Variants in INVS observed in about 807,000 individuals in gnomAD.
INVS encodes the protein inversion of embryo turning homolog.
A neutral mutation model predicts 108.8 loss-of-function variants in INVS; 86 were observed. That is an observed-to-expected ratio of 0.79 (90% confidence interval 0.66 to 0.95). The LOEUF (loss-of-function observed/expected upper bound fraction) is 0.95. Ranked by LOEUF, INVS falls within the 40% of genes least tolerant of loss-of-function variation. The probability of loss-of-function intolerance (pLI) is 0.00; values close to 1 mark genes in which losing one functional copy is unlikely to be tolerated. For synonymous variants in INVS, 455 were observed against 473.5 expected (o/e 0.96, Z 0.51); for missense variants, 1,169 against 1,297.4 (o/e 0.90, Z 1.52).
chr9:100,182,601 G>A (rs936837635), intron 3 of INVS, among the ~76,000 whole-genome samples: 11 of 152,158 alleles, frequency 7.2e-5, no homozygotes, highest in Non-Finnish European at 1.3e-4. Flanking sequence ...ATGCCAGTTA[G>A]AATGGCGATC....
intron 5 of INVS, among the ~76,000 whole-genome samples, chr9:100,236,125 T>A (rs1165743283): frequency 6.6e-6 from 1 of 152,214 alleles, no homozygotes; most frequent in African/African-American, 2.4e-5. Context: ...GTCTCTGATA[T>A]CCTTTCCTCC....
chr9:100,252,334 T>C lies in INVS; in HGVS notation c.1130T>C (p.Leu377Pro). ...SGHVSTVKLL[L>P]ENNAQVDATD... ...CATGTCAGCACCGTGAAGTTATTAC[T>C]GGAAAATAATGCTCAAGTAGATGCT... The change falls in exon 9 of 17, where the codon CTG (leucine) becomes CCG (proline). Residue 377 changes from leucine to proline, a missense_variant. Physicochemically the swap from Leu to Pro is moderately conservative, Grantham distance 98. This residue lies in a region of INVS where 271 missense variants were observed against 363.8 expected (regional missense o/e 0.74). Transcript: ENST00000262457. 2 of 1,614,104 alleles carry C rather than the reference T, an allele frequency of 1.2e-6. No homozygotes were observed. Among genetic ancestry groups the C allele is most frequent in the Non-Finnish European group, 1.7e-6 (2 of 1,179,964 alleles).
In INVS at chr9:100,262,106, A is replaced by G. The variant is rs1832644420; in HGVS notation, c.1465-2716A>G. ...AGCCCCATATATATTATGTACTTTT[A>G]TATACTGATGTATTTTACCTGCTAA... On this transcript the variant is annotated intron_variant, in intron 10 of 16. Transcript: ENST00000262457. Among the ~76,000 whole-genome samples the G allele has an allele frequency of 2.6e-5, 4 of 151,058 alleles. No individual in the cohort carries two copies. In the South Asian group the frequency reaches 6.2e-4, roughly 24 times the overall value.
intron 5 of INVS, among the ~76,000 whole-genome samples, chr9:100,236,785 G>A (rs1388341941): frequency 6.6e-6 from 1 of 152,196 alleles, no homozygotes; most frequent in Non-Finnish European, 1.5e-5. Flanking sequence ...CCTGTATGAG[G>A]TGTCTGCCGA....
rs1289228389 is a variant in INVS, at chr9:100,229,758, C to T, written c.546C>T (p.Gly182=). 2 of 1,613,978 alleles carry T rather than the reference C, an allele frequency of 1.2e-6. No individual in the cohort carries two copies. The highest frequency in any genetic ancestry group is 1.7e-6 in the Non-Finnish European group (2 of 1,179,966). The stretch of plus-strand genomic sequence containing the variant: ...ACATTGGGATTCCTGATGTTGAAGG[C>T]AAGATCCCACTTCACTGGGCAGCCA... ...DSNIGIPDVE[G]KIPLHWAANH... is the part of the protein sequence containing the mutation. The change falls in exon 5 of 17, where the codon GGC becomes GGT. Residue 182 remains glycine (G), a synonymous_variant. Coordinates refer to ENST00000262457, the MANE Select transcript of INVS (RefSeq NM_014425.5).
chr9:100,233,336 C>T (rs1831572778), intron 5 of INVS, among the ~76,000 whole-genome samples: 1 of 152,156 alleles, frequency 6.6e-6, no homozygotes, highest in African/African-American at 2.4e-5. Context: ...ATTTGACTTC[C>T]TCTCTTCCTG....
In INVS at chr9:100,270,679, C is replaced by T. The variant is rs528153282; in HGVS notation, c.1572-2185C>T. On this transcript the variant is annotated intron_variant, in intron 11 of 16. Transcript: ENST00000262457. ...GGGAGAATTGCTTGAACCTGGGAGGCGGAGATTGCAGTGAGCTGAGATCGC... is the reference window on the plus strand; with the variant it reads ...GGGAGAATTGCTTGAACCTGGGAGGTGGAGATTGCAGTGAGCTGAGATCGC... 6.3e-5 allele frequency among the ~76,000 whole-genome samples: 9 copies of T among 142,134 alleles called. No individual in the cohort carries two copies. In the South Asian group the frequency reaches 6.6e-4, roughly 10 times the overall value. The allele number at this position is 142,134 out of a possible 152,430, so 93.2% of individuals were successfully genotyped here. A position where few individuals can be genotyped will look rare whatever the true frequency, so the allele number is the denominator to read the frequency against.
chr9:100,205,511 GAGA>G lies in INVS; in HGVS notation c.274-20545_274-20543del, dbSNP rs1160078624. 2.6e-5 allele frequency among the ~76,000 whole-genome samples: 4 copies of G among 152,106 alleles called. No individual in the cohort carries two copies. The East Asian group carries it at 5.8e-4, about 22-fold the overall frequency. On this transcript the variant is annotated intron_variant, in intron 3 of 16. Transcript: ENST00000262457. Reference sequence around the variant, plus strand: ...ACAGTCAGTTAAATTGGTTATTGATGAGAAGAAGGTGAATTATACTTGAAACAA... The same window carrying G: ...ACAGTCAGTTAAATTGGTTATTGATGAGAAGGTGAATTATACTTGAAACAA...
chr9:100,294,696 A>C (rs1833736250), intron 14 of INVS, among the ~76,000 whole-genome samples: 1 of 152,068 alleles, frequency 6.6e-6, no homozygotes, highest in South Asian at 2.1e-4. Context: ...AAGCTAAGGG[A>C]GGTGGAGGTG....
chr9:100,121,761 TCTG>T (rs1178957134), intron 2 of INVS, among the ~76,000 whole-genome samples: 1 of 152,120 alleles, frequency 6.6e-6, no homozygotes, highest in African/African-American at 2.4e-5. Flanking sequence ...AATTTGCTCT[TCTG>T]TTTTAGTGTT....
At chr9:100,114,328 C>A (rs942432133) in intron 2 of INVS, among the ~76,000 whole-genome samples, 1 of 147,592 alleles carries the variant, frequency 6.8e-6, no homozygotes, top group Non-Finnish European at 1.5e-5. Context: ...ATAGTTTTAA[C>A]TTTTCCACAA....
chr9:100,183,041 G>A (rs377303685), intron 3 of INVS, among the ~76,000 whole-genome samples: 56 of 151,992 alleles, frequency 3.7e-4, no homozygotes, highest in African/African-American at 1.1e-3. Context: ...ACCAAACACC[G>A]CATGTTCTCA....
intron 3 of INVS, among the ~76,000 whole-genome samples, chr9:100,218,085 A>C (rs924792288): frequency 6.6e-6 from 1 of 152,126 alleles, no homozygotes; most frequent in Non-Finnish European, 1.5e-5. Context: ...TAATATATTT[A>C]GGATTTAAAA....
chr9:100,293,129 G>A, intron 14 of INVS, 86 bp downstream of exon 14: 1 of 1,359,968 alleles, frequency 7.4e-7, no homozygotes, highest in Non-Finnish European at 1.0e-6. Flanking sequence ...TGTTTTCCCA[G>A]TGAGTTCCAT....
chr9:100,281,485 T>C (rs188888450), intron 12 of INVS, among the ~76,000 whole-genome samples: 1 of 152,360 alleles, frequency 6.6e-6, no homozygotes, highest in African/African-American at 2.4e-5. Flanking sequence ...ATACAAGTTA[T>C]GCATAATTTC....
chr9:100,263,762 A>G (rs1832700929), intron 10 of INVS, among the ~76,000 whole-genome samples: 1 of 152,200 alleles, frequency 6.6e-6, no homozygotes, highest in Non-Finnish European at 1.5e-5. Flanking sequence ...TTTATGGCCC[A>G]GCATATGATT....
intron 11 of INVS, among the ~76,000 whole-genome samples, chr9:100,266,816 G>T (rs1832806453): frequency 6.6e-6 from 1 of 151,764 alleles, no homozygotes; most frequent in African/African-American, 2.4e-5. Context: ...AACTAAAATG[G>T]CTCCTGCTAT....
chr9:100,164,905 T>TC (rs2119022492), intron 3 of INVS, among the ~76,000 whole-genome samples: 1 of 151,348 alleles, frequency 6.6e-6, no homozygotes, highest in African/African-American at 2.4e-5. Flanking sequence ...TCTTTTTTTT[T>TC]TTTTTTTTAC....
intron 3 of INVS, among the ~76,000 whole-genome samples, chr9:100,173,398 A>G (rs1414820054): frequency 6.6e-6 from 1 of 152,170 alleles, no homozygotes; most frequent in Non-Finnish European, 1.5e-5. Flanking sequence ...TTGAAGAATC[A>G]AAGGACAGCA....
Sources: allele counts gnomAD v4.1 joint callset (sites outside exome capture counted in the v4.1 genomes callset), GRCh38; gene constraint gnomAD v4.1.1; regional missense constraint gnomAD v4.1.1; transcripts MANE v1.5; gene names NCBI Gene and HGNC (gene_info 2026-07-23, HGNC 2026-07-21).